PTPRM: variants seen among roughly 807,000 people sequenced by gnomAD.
PTPRM encodes protein tyrosine phosphatase receptor type M, also known as receptor-type tyrosine-protein phosphatase mu.
Under a neutral mutation model 186.7 loss-of-function variants are expected in PTPRM, and 47 were observed. The observed-to-expected ratio is 0.25, with a 90% CI of 0.20 to 0.32. The LOEUF (loss-of-function observed/expected upper bound fraction) is 0.32. Ranked by LOEUF, PTPRM falls within the 10% of genes least tolerant of loss-of-function variation. PTPRM has a pLI of 1.00. For synonymous variants in PTPRM, 668 were observed against 674.9 expected (o/e 0.99, Z 0.16); for missense variants, 1,494 against 1,865.0 (o/e 0.80, Z 3.66).
intron 19 of PTPRM, among the ~76,000 whole-genome samples, chr18:8,259,434 C>T (rs914821247): frequency 5.3e-5 from 8 of 152,066 alleles, no homozygotes; most frequent in Non-Finnish European, 8.8e-5. Flanking sequence ...TCTTTAAACA[C>T]GTCTGTCTCC....
chr18:8,076,650 C>G (rs1286614084), intron 9 of PTPRM, 86 bp downstream of exon 9: 1 of 635,854 alleles, frequency 1.6e-6, no homozygotes, highest in Non-Finnish European at 2.7e-6. Flanking sequence ...AAAATGCATA[C>G]TTACATAATA....
intron 11 of PTPRM, among the ~76,000 whole-genome samples, chr18:8,101,878 T>C (rs2091305989): frequency 6.6e-6 from 1 of 152,206 alleles, no homozygotes; most frequent in Non-Finnish European, 1.5e-5. Context: ...ACACCTCCCT[T>C]TGCAGACGTG....
At chr18:7,987,267 T>A (rs2083014204) in intron 7 of PTPRM, among the ~76,000 whole-genome samples, 1 of 152,206 alleles carries the variant, frequency 6.6e-6, no homozygotes, top group Non-Finnish European at 1.5e-5. Context: ...TAAATATTGT[T>A]TTAGAAGAAT....
intron 1 of PTPRM, among the ~76,000 whole-genome samples, chr18:7,679,493 C>T (rs745488844): frequency 2.9e-4 from 44 of 151,972 alleles, no homozygotes; most frequent in Non-Finnish European, 4.7e-4. Context: ...GGTAAAACCC[C>T]GTCTTTACTA....
At chr18:7,984,419 G>A (rs1485657568) in intron 7 of PTPRM, among the ~76,000 whole-genome samples, 1 of 151,706 alleles carries the variant, frequency 6.6e-6, no homozygotes, top group Non-Finnish European at 1.5e-5. Context: ...CTGCTATGAT[G>A]TAGCTACTTC....
intron 11 of PTPRM, among the ~76,000 whole-genome samples, chr18:8,099,501 A>G (rs1443608083): frequency 1.3e-5 from 2 of 152,328 alleles, no homozygotes; most frequent in African/African-American, 2.4e-5. Flanking sequence ...GGCAAAAACT[A>G]TGACTGGGTT....
At chr18:7,574,382 A>G (rs773023941) in intron 1 of PTPRM, among the ~76,000 whole-genome samples, 19 of 152,226 alleles carry the variant, frequency 1.2e-4, no homozygotes, top group Non-Finnish European at 2.6e-4. Flanking sequence ...TATTTTGTAT[A>G]GGAGATATTT....
At chr18:8,254,260 A>G (rs766071963) in intron 19 of PTPRM, among the ~76,000 whole-genome samples, 1 of 152,218 alleles carries the variant, frequency 6.6e-6, no homozygotes, top group African/African-American at 2.4e-5. Flanking sequence ...GAATACATAA[A>G]ATACAGGGCT....
chr18:8,177,621 T>C (rs570664772), intron 14 of PTPRM, among the ~76,000 whole-genome samples: 2 of 152,334 alleles, frequency 1.3e-5, no homozygotes, highest in African/African-American at 4.8e-5. Flanking sequence ...CAACCTCAAT[T>C]CTTGCCTCCT....
intron 1 of PTPRM, among the ~76,000 whole-genome samples, chr18:7,746,144 A>T (rs971387655): frequency 6.6e-6 from 1 of 152,242 alleles, no homozygotes; most frequent in African/African-American, 2.4e-5. Flanking sequence ...TGGGAAAATT[A>T]CAAATGTTTA....
intron 22 of PTPRM, 84 bp from the exon 23 acceptor site, chr18:8,343,339 T>C: frequency 8.8e-7 from 1 of 1,130,158 alleles, no homozygotes; most frequent in South Asian, 1.4e-5. Context: ...ATGTGGGTAT[T>C]AATAGATGTA....
intron 1 of PTPRM, among the ~76,000 whole-genome samples, chr18:7,620,109 G>T (rs7230519): frequency 0.024 from 3,671 of 152,242 alleles, 155 homozygotes; most frequent in African/African-American, 0.084. Context: ...CCACTCAGGC[G>T]GTCCATGGGT....
intron 31 of PTPRM, among the ~76,000 whole-genome samples, chr18:8,393,811 G>T (rs6506582): frequency 3.3e-5 from 5 of 151,742 alleles, no homozygotes; most frequent in East Asian, 1.9e-4. Flanking sequence ...TTGTTTGAGA[G>T]GGAGTCTCGC....
intron 1 of PTPRM, among the ~76,000 whole-genome samples, chr18:7,680,759 T>C (rs1275300881): frequency 6.6e-6 from 1 of 152,226 alleles, no homozygotes; most frequent in Non-Finnish European, 1.5e-5. Context: ...GAAAGTACTT[T>C]ATGAACATAG....
chr18:7,639,244 T>C (rs2038388391), intron 1 of PTPRM, among the ~76,000 whole-genome samples: 1 of 151,900 alleles, frequency 6.6e-6, no homozygotes, highest in South Asian at 2.1e-4. Flanking sequence ...CTGGCTAACT[T>C]TATTTTTAGT....
intron 14 of PTPRM, among the ~76,000 whole-genome samples, chr18:8,148,254 T>G (rs992214763): frequency 1.3e-5 from 2 of 152,110 alleles, no homozygotes; most frequent in Non-Finnish European, 2.9e-5. Context: ...TCTGGTAAAA[T>G]TCAGCTGTGA....
At chr18:7,609,691 C>T (rs2037625262) in intron 1 of PTPRM, among the ~76,000 whole-genome samples, 1 of 152,156 alleles carries the variant, frequency 6.6e-6, no homozygotes, top group South Asian at 2.1e-4. Flanking sequence ...AAGACAGTTT[C>T]TGATCTACTG....
intron 7 of PTPRM, among the ~76,000 whole-genome samples, chr18:7,991,160 T>G (rs2083248524): frequency 6.6e-6 from 1 of 152,134 alleles, no homozygotes; most frequent in African/African-American, 2.4e-5. Flanking sequence ...TTAGGGAAAC[T>G]TCAAAAAAAT....
chr18:7,690,217 T>A (rs1307624201), intron 1 of PTPRM, among the ~76,000 whole-genome samples: 2 of 152,212 alleles, frequency 1.3e-5, no homozygotes, highest in Non-Finnish European at 2.9e-5. Context: ...TACACATAGA[T>A]TCACAATGGC....
Sources: gnomAD v4.1 joint callset for allele counts (sites outside exome capture counted in the v4.1 genomes callset) on GRCh38, gnomAD v4.1.1 for gene constraint, MANE v1.5 for transcripts, NCBI Gene and HGNC (gene_info 2026-07-23, HGNC 2026-07-21) for gene names.